KALRN: variants seen among roughly 807,000 people sequenced by gnomAD.
KALRN encodes the protein kalirin RhoGEF kinase.
KALRN carries 70 observed loss-of-function variants against 353.7 expected under a neutral mutation model. The ratio of observed to expected loss-of-function variants is 0.20; its 90% CI spans 0.16 to 0.24. The LOEUF is 0.24. Ranked by LOEUF, KALRN falls within the 10% of genes least tolerant of loss-of-function variation. KALRN has a pLI of 1.00. For missense variants in KALRN, 2,791 were observed against 3,756.7 expected (o/e 0.74, Z 6.72); for synonymous variants, 1,391 against 1,434.8 (o/e 0.97, Z 0.69).
Position 124,719,993 on chromosome 3 carries a change from T to C in KALRN, c.*523T>C, listed in dbSNP as rs1169865362. ...TTCAGAGTTTTCTAATATAGAGATA[T>C]ATATATTAAATCAATCACAAGTAAT... On this transcript the variant is annotated 3_prime_UTR_variant, in exon 60 of 60. Coordinates refer to ENST00000682506, the MANE Select transcript of KALRN (RefSeq NM_001388419.1). This position sits in a 1 kb window ranked among gnomAD's most constrained non-coding sequence, Gnocchi z 5.3. The C allele has an allele frequency of 6.5e-6, 1 of 152,824 alleles. No homozygotes were observed. Among genetic ancestry groups the C allele is most frequent in the African/African-American group, 2.4e-5 (1 of 41,446 alleles). The allele number at this position is 152,824 out of a possible 1,614,324, so 9.5% of individuals were successfully genotyped here.
chr3:124,139,611 G>A (rs1327919564), intron 1 of KALRN, among the ~76,000 whole-genome samples: 1 of 152,156 alleles, frequency 6.6e-6, no homozygotes, highest in Non-Finnish European at 1.5e-5. Context: ...CACAGTGAGA[G>A]GGAATGCAAG....
intron 15 of KALRN, among the ~76,000 whole-genome samples, chr3:124,428,525 A>G (rs1473078486): frequency 6.6e-6 from 1 of 152,132 alleles, no homozygotes; most frequent in African/African-American, 2.4e-5. Context: ...CTGACTCCAA[A>G]TTTTATGTTA....
intron 16 of KALRN, among the ~76,000 whole-genome samples, chr3:124,433,645 A>G (rs979173097): frequency 1.1e-4 from 17 of 151,394 alleles, no homozygotes; most frequent in Admixed American, 2.6e-4. Context: ...CTACATATAT[A>G]TGTATCTCCT....
chr3:124,424,502 C>T (rs1294514049), intron 15 of KALRN, among the ~76,000 whole-genome samples: 2 of 152,112 alleles, frequency 1.3e-5, no homozygotes, highest in Non-Finnish European at 2.9e-5. Flanking sequence ...CTTCTCCACT[C>T]CCCATCTCTC....
chr3:124,617,700 C>G (rs888727898), intron 34 of KALRN, among the ~76,000 whole-genome samples: 2 of 152,142 alleles, frequency 1.3e-5, no homozygotes, highest in African/African-American at 4.8e-5. Flanking sequence ...CCCAATAGTT[C>G]CTGATCCACT....
intron 49 of KALRN, chr3:124,675,139 G>C (rs930319231): frequency 5.3e-5 from 8 of 152,074 alleles, no homozygotes; most frequent in African/African-American, 1.9e-4. Context: ...CAATTCCTCT[G>C]TACAGATTGT....
At chr3:124,493,147 C>G (rs536602684) in intron 32 of KALRN, among the ~76,000 whole-genome samples, 2 of 152,334 alleles carry the variant, frequency 1.3e-5, no homozygotes, top group East Asian at 3.9e-4. Flanking sequence ...AGTCGATTCC[C>G]TTAAGAGCCA....
Position 124,429,022 on chromosome 3 carries a change from G to A in KALRN, c.2710-1634G>A, listed in dbSNP as rs189173403. Among the ~76,000 whole-genome samples, 6 of 152,298 alleles carry A rather than the reference G, an allele frequency of 3.9e-5. No individual in the cohort carries two copies. The East Asian group carries it at 1.2e-3, about 29-fold the overall frequency. On this transcript the variant is annotated intron_variant, in intron 15 of 59. Coordinates refer to ENST00000682506, the MANE Select transcript of KALRN (RefSeq NM_001388419.1). ...GAGCTCCATTTCCCAAAGAGATGAG[G>A]CATTTGGGCATGCAGTCTGTGAATG...
At chr3:124,383,815 G>T (rs1198055376) in intron 10 of KALRN, among the ~76,000 whole-genome samples, 1 of 152,124 alleles carries the variant, frequency 6.6e-6, no homozygotes, top group African/African-American at 2.4e-5. Context: ...CAGACACGGA[G>T]ACCCTGTCTC....
At chr3:124,519,359 A>G in intron 33 of KALRN, 2 of 985,448 alleles carry the variant, frequency 2.0e-6, no homozygotes, top group South Asian at 4.7e-5. Context: ...TTTCCAACAC[A>G]CTCAAGAGAG....
intron 34 of KALRN, among the ~76,000 whole-genome samples, chr3:124,592,721 C>T (rs1206343623): frequency 6.6e-6 from 1 of 152,168 alleles, no homozygotes; most frequent in Non-Finnish European, 1.5e-5. Context: ...GTGAGGCCCA[C>T]GGGTGGCTTG....
chr3:124,438,815 A>G lies in KALRN; in HGVS notation c.3049-73A>G. On this transcript the variant is annotated intron_variant, in intron 17 of 59. Coordinates refer to ENST00000682506, the MANE Select transcript of KALRN (RefSeq NM_001388419.1). ...AAAAATGTCATATGTGTAGGCTTCTATAGGCTGAAGGTCCTCAGAGAATAA... is the reference window on the plus strand; with the variant it reads ...AAAAATGTCATATGTGTAGGCTTCTGTAGGCTGAAGGTCCTCAGAGAATAA... 4.3e-6 allele frequency: 6 copies of G among 1,389,466 alleles called. No individual in the cohort carries two copies. In the South Asian group the frequency reaches 8.2e-5, roughly 19 times the overall value. The allele number at this position is 1,389,466 out of a possible 1,614,324, so 86.1% of individuals were successfully genotyped here.
At chr3:124,645,767 G>T (rs952595925) in intron 37 of KALRN, among the ~76,000 whole-genome samples, 1 of 151,908 alleles carries the variant, frequency 6.6e-6, no homozygotes, top group Non-Finnish European at 1.5e-5. Context: ...ATGAACATGG[G>T]GGTGCAGATG....
At chr3:124,345,619 C>T (rs1374453869) in intron 9 of KALRN, among the ~76,000 whole-genome samples, 1 of 152,114 alleles carries the variant, frequency 6.6e-6, no homozygotes, top group Admixed American at 6.5e-5. Flanking sequence ...TGTTTAAAAT[C>T]TCCATAATGT....
At chr3:124,641,414 C>T (rs2082028444) in intron 37 of KALRN, among the ~76,000 whole-genome samples, 1 of 152,194 alleles carries the variant, frequency 6.6e-6, no homozygotes, top group African/African-American at 2.4e-5. Flanking sequence ...CCCCTGCTTT[C>T]ACTGTGTGAT....
chr3:124,217,897 C>T (rs539161957), intron 1 of KALRN, among the ~76,000 whole-genome samples: 48 of 152,180 alleles, frequency 3.2e-4, no homozygotes, highest in Non-Finnish European at 5.7e-4. Context: ...TGGAACTGTG[C>T]CCAGTCTGTG....
chr3:124,042,193 G>C (rs1365730321), intron 1 of KALRN, among the ~76,000 whole-genome samples: 1 of 152,162 alleles, frequency 6.6e-6, no homozygotes, highest in Non-Finnish European at 1.5e-5. Flanking sequence ...GGCAGTAAAT[G>C]GTCCAGTTTA....
chr3:124,605,360 G>A (rs541634371), intron 34 of KALRN, among the ~76,000 whole-genome samples: 1 of 151,642 alleles, frequency 6.6e-6, no homozygotes, highest in South Asian at 2.1e-4. Flanking sequence ...ATCACTTGAG[G>A]TCAGGAGTTC....
In KALRN at chr3:124,422,887, A is replaced by AGCAGC. The variant is rs1255004170; in HGVS notation, c.2619_2623dup (p.His875ArgfsTer16). ...GAGTTATTGGAATTTCTCCATGAGA[A>AGCAGC]GCAGCATGAATTGGAGCTCAATGCA... On this transcript the variant is annotated frameshift_variant, in exon 15 of 60. Transcript: ENST00000682506. LOFTEE classifies it high-confidence loss of function. 6.2e-7 allele frequency: 1 copy of AGCAGC among 1,613,944 alleles called. No homozygotes were observed. Among genetic ancestry groups the AGCAGC allele is most frequent in the East Asian group, 2.2e-5 (1 of 44,880 alleles).
Sources: allele counts gnomAD v4.1 joint callset (sites outside exome capture counted in the v4.1 genomes callset), GRCh38; gene constraint gnomAD v4.1.1; non-coding constraint Gnocchi (gnomAD v3.1); transcripts MANE v1.5; gene names NCBI Gene and HGNC (gene_info 2026-07-23, HGNC 2026-07-21).